Variants in SDK2 observed in about 807,000 individuals in gnomAD.
The protein encoded by SDK2 is sidekick cell adhesion molecule 2, also known as protein sidekick-2.
In SDK2, 105 loss-of-function variants were observed where a neutral mutation model predicts 253.9. The ratio of observed to expected loss-of-function variants is 0.41; its 90% CI spans 0.35 to 0.49. SDK2 has a LOEUF of 0.49. Ranked by LOEUF, SDK2 falls within the 20% of genes least tolerant of loss-of-function variation. The pLI, the probability that SDK2 is intolerant of heterozygous loss-of-function variation, is 0.06. For synonymous variants in SDK2, 1,249 were observed against 1,234.9 expected, an observed-to-expected ratio of 1.01 and a Z score of -0.24; for missense variants, 2,608 against 3,003.0, an observed-to-expected ratio of 0.87 and a Z score of 3.07.
intron 1 of SDK2, among the ~76,000 whole-genome samples, chr17:73,523,539 T>C (rs1157706358): frequency 1.3e-5 from 2 of 151,740 alleles, no homozygotes; most frequent in Admixed American, 1.3e-4. Flanking sequence ...CAGGTGAAGA[T>C]GGGAACAATG....
intron 1 of SDK2, among the ~76,000 whole-genome samples, chr17:73,507,833 G>C (rs796981693): frequency 6.6e-6 from 1 of 152,114 alleles, no homozygotes; most frequent in Non-Finnish European, 1.5e-5. Context: ...CCCAGACCAC[G>C]CTGGGCTATT....
chr17:73,561,315 G>A (rs572945834), intron 1 of SDK2, among the ~76,000 whole-genome samples: 3 of 152,300 alleles, frequency 2.0e-5, no homozygotes, highest in Non-Finnish European at 4.4e-5. Flanking sequence ...CAGCACAGAT[G>A]ATGACGAGAC....
In SDK2 at chr17:73,643,967, C is replaced by CCCCCCCCCCCCCCA; in HGVS notation, c.64+57_64+58insTGGGGGGGGGGGGG. Reference sequence around the variant, plus strand: ...GTGAGGCCGGCCAGCTCCCGCCGCCCCTCCCCCGCCCACTCTCCCAGCCCC... The same window carrying CCCCCCCCCCCCCCA: ...GTGAGGCCGGCCAGCTCCCGCCGCCCCCCCCCCCCCCCCACTCCCCCGCCCACTCTCCCAGCCCC... On this transcript the variant is annotated intron_variant, in intron 1 of 44. Coordinates refer to ENST00000392650, the MANE Select transcript of SDK2 (RefSeq NM_001144952.2). The surrounding 1 kb of genome is among the most constrained non-coding windows in gnomAD (Gnocchi z 6.9). 2 of 902,242 alleles carry CCCCCCCCCCCCCCA rather than the reference C, an allele frequency of 2.2e-6. No individual in the cohort carries two copies. The highest frequency in any genetic ancestry group is 1.7e-5 in the African/African-American group (1 of 60,170). 55.9% of individuals were successfully genotyped at this position (902,242 alleles called of 1,614,324 possible). A position where few individuals can be genotyped will look rare whatever the true frequency, so the allele number is the denominator to read the frequency against.
intron 34 of SDK2, among the ~76,000 whole-genome samples, chr17:73,380,106 G>A (rs1382906581): frequency 6.6e-6 from 1 of 152,140 alleles, no homozygotes; most frequent in African/African-American, 2.4e-5. Context: ...CAAGAAACGG[G>A]CGCAGTCACT....
At chr17:73,402,487 T>G (rs1449309662) in intron 18 of SDK2, among the ~76,000 whole-genome samples, 1 of 152,254 alleles carries the variant, frequency 6.6e-6, no homozygotes, top group Admixed American at 6.5e-5. Flanking sequence ...AATTTAGCCC[T>G]TGTTCAAAAA....
chr17:73,522,716 C>G (rs141848233), intron 1 of SDK2, among the ~76,000 whole-genome samples: 9 of 152,208 alleles, frequency 5.9e-5, no homozygotes, highest in South Asian at 2.1e-4. Context: ...CACCCACCCC[C>G]GCTCCTCTCT....
chr17:73,489,774 C>T (rs1179296439), intron 2 of SDK2, among the ~76,000 whole-genome samples: 2 of 152,206 alleles, frequency 1.3e-5, no homozygotes, highest in Non-Finnish European at 2.9e-5. Flanking sequence ...GGCTGAGGCT[C>T]TCTGCTCTGG....
At chr17:73,640,250 G>A (rs2143309820) in intron 1 of SDK2, among the ~76,000 whole-genome samples, 1 of 151,986 alleles carries the variant, frequency 6.6e-6, no homozygotes, top group South Asian at 2.1e-4. Context: ...GCATGAAGCG[G>A]GGGTGGGGTG....
At chr17:73,421,706 C>T (rs1487003547) in intron 15 of SDK2, among the ~76,000 whole-genome samples, 2 of 69,098 alleles carry the variant, frequency 2.9e-5, no homozygotes, top group Admixed American at 3.9e-4. Context: ...GGATTACAGG[C>T]GCCCACCACC....
intron 29 of SDK2, among the ~76,000 whole-genome samples, chr17:73,389,513 A>G (rs1293169937): frequency 6.6e-6 from 1 of 151,950 alleles, no homozygotes; most frequent in Admixed American, 6.6e-5. Context: ...TTCTGTAGAG[A>G]TGGTGTCTCA....
rs1599749612 is a variant in SDK2 at position 73,643,650 on chromosome 17, G to T, written c.64+375C>A. On this transcript the variant is annotated intron_variant, in intron 1 of 44. Transcript: ENST00000392650. This position sits in a 1 kb window ranked among gnomAD's most constrained non-coding sequence, Gnocchi z 6.9. ...ACACCGAGCAGGGAACCAGGAGCTC[G>T]GTCTGGGAAGCTCAGCGTAGCCGAG... Among the ~76,000 whole-genome samples, 2 of 152,216 alleles carry T rather than the reference G, an allele frequency of 1.3e-5. No homozygotes were observed. Among genetic ancestry groups the T allele is most frequent in the South Asian group, 4.1e-4 (2 of 4,822 alleles).
intron 30 of SDK2, 109 bp from the exon 31 acceptor site, chr17:73,386,657 G>A (rs181977564): frequency 4.2e-5 from 31 of 744,484 alleles, no homozygotes; most frequent in Admixed American, 3.3e-4. Flanking sequence ...AAGGGGGCAG[G>A]GTGCCAGCCT....
At chr17:73,353,454 C>T (rs2062556820) in intron 40 of SDK2, among the ~76,000 whole-genome samples, 2 of 152,158 alleles carry the variant, frequency 1.3e-5, no homozygotes, top group Non-Finnish European at 2.9e-5. Context: ...GAGTTTCGCT[C>T]TTGTTGCCCA....
At chr17:73,604,152 TTCCAGGTGGGGG>T (rs2045877583) in intron 1 of SDK2, among the ~76,000 whole-genome samples, 1 of 152,326 alleles carries the variant, frequency 6.6e-6, no homozygotes, top group South Asian at 2.1e-4. Flanking sequence ...TAGGAGTGGT[TTCCAGGTGGGGG>T]TCCGTGGAAA....
At chr17:73,456,985 CAG>C (rs1382078521) in intron 3 of SDK2, among the ~76,000 whole-genome samples, 1 of 152,128 alleles carries the variant, frequency 6.6e-6, no homozygotes, top group Non-Finnish European at 1.5e-5. Flanking sequence ...GTCAGAAATG[CAG>C]AGTCTCAGGC....
At chr17:73,424,204 T>A in intron 12 of SDK2, 112 bp from the exon 13 acceptor site, 2 of 851,762 alleles carry the variant, frequency 2.3e-6, no homozygotes, top group East Asian at 2.7e-5. Flanking sequence ...AGAGGACAAC[T>A]GCAGGCAACA....
At chr17:73,632,643 A>G (rs928234719) in intron 1 of SDK2, among the ~76,000 whole-genome samples, 5 of 152,144 alleles carry the variant, frequency 3.3e-5, no homozygotes, top group Non-Finnish European at 7.4e-5. Context: ...TCCCCTTCAT[A>G]TACACATCTG....
At chr17:73,561,223 G>A (rs1456284209) in intron 1 of SDK2, among the ~76,000 whole-genome samples, 1 of 152,162 alleles carries the variant, frequency 6.6e-6, no homozygotes, top group Non-Finnish European at 1.5e-5. Context: ...GGTGTGAAAG[G>A]GAGACAATTA....
chr17:73,386,138 C>A (rs995103762), intron 31 of SDK2, among the ~76,000 whole-genome samples: 1 of 152,170 alleles, frequency 6.6e-6, no homozygotes, highest in Non-Finnish European at 1.5e-5. Flanking sequence ...GGTCCCAGAG[C>A]CCCCTCCGCT....
Sources: gnomAD v4.1 joint callset for allele counts (sites outside exome capture counted in the v4.1 genomes callset) on GRCh38, gnomAD v4.1.1 for gene constraint, Gnocchi (gnomAD v3.1) non-coding constraint, MANE v1.5 for transcripts, NCBI Gene and HGNC (gene_info 2026-07-23, HGNC 2026-07-21) for gene names.